The following MARCHF7 variants were observed in gnomAD, a reference collection of about 807,000 sequenced individuals.
MARCHF7 encodes the protein E3 ubiquitin-protein ligase MARCHF7.
Under a neutral mutation model 76.5 loss-of-function variants are expected in MARCHF7, and 20 were observed. That is an observed-to-expected ratio of 0.26 (90% CI 0.18 to 0.38). MARCHF7 has a LOEUF of 0.38. Among genes scored for constraint, MARCHF7 ranks in the 10% least tolerant of loss-of-function variants. The pLI is 1.00. For missense variants in MARCHF7, 797 were observed against 812.9 expected (o/e 0.98, Z 0.24); for synonymous variants, 295 against 293.0 (o/e 1.01, Z -0.07).
intron 9 of MARCHF7, among the ~76,000 whole-genome samples, chr2:159,760,790 T>C (rs1186476638): frequency 6.6e-6 from 1 of 152,074 alleles, no homozygotes; most frequent in East Asian, 1.9e-4. Flanking sequence ...CAGGAATGTT[T>C]TTATTTTCTA....
intron 8 of MARCHF7, among the ~76,000 whole-genome samples, chr2:159,753,641 G>A (rs770792178): frequency 6.6e-6 from 1 of 152,118 alleles, no homozygotes; most frequent in Non-Finnish European, 1.5e-5. Flanking sequence ...AAATATGATG[G>A]GAAGCTGCTA....
Position 159,748,860 on chromosome 2 carries a change from G to T in MARCHF7, c.1570G>T (p.Ala524Ser). Reference protein sequence around the residue: ...ADGKSDKTKSAPSRDPERLQK... With the variant: ...ADGKSDKTKSSPSRDPERLQK... ...TGGTAAAAGTGATAAAACTAAAAGT[G>T]CGCCTTCAAGAGATCCAGAAAGATT... is the stretch of plus-strand genomic sequence containing the variant. Residue 524 changes from alanine (A) to serine (S), a missense_variant, in exon 7 of 12, where the codon GCG becomes TCG. By Grantham distance (99) the Ala-to-Ser change is moderately conservative. Transcript: ENST00000409175. 1 of 1,612,696 alleles carries T rather than the reference G, an allele frequency of 6.2e-7. No homozygotes were observed. Among genetic ancestry groups the T allele is most frequent in the Non-Finnish European group, 8.5e-7 (1 of 1,179,512 alleles).
chr2:159,764,314 TTTTG>T (rs1707503422), intron 10 of MARCHF7, among the ~76,000 whole-genome samples: 1 of 151,846 alleles, frequency 6.6e-6, no homozygotes, highest in Non-Finnish European at 1.5e-5. Context: ...GTTTTTTGTT[TTTTG>T]TTTTTTTTCC....
chr2:159,747,980 A>C lies in MARCHF7; in HGVS notation c.690A>C (p.Glu230Asp). 6.2e-7 allele frequency: 1 copy of C among 1,614,152 alleles called. No homozygotes were observed. The highest frequency in any genetic ancestry group is 1.1e-5 in the South Asian group (1 of 91,082). The change falls in exon 7 of 12, where the codon GAA (glutamate) becomes GAC (aspartate). Residue 230 changes from glutamate (E) to aspartate (D), a missense_variant. Coordinates refer to ENST00000409175, the MANE Select transcript of MARCHF7 (RefSeq NM_001282805.2). ...NSLRSNFSSR[E>D]SESSRSNTQP... ...TAAGATCAAATTTTTCTTCAAGAGA[A>C]TCAGAATCTTCCCGAAGCAATACGC...
At chr2:159,729,715 C>G (rs1230406049) in intron 4 of MARCHF7, among the ~76,000 whole-genome samples, 1 of 151,316 alleles carries the variant, frequency 6.6e-6, no homozygotes, top group East Asian at 1.9e-4. Flanking sequence ...AAACCTTGTA[C>G]GTAAAAACAT....
chr2:159,737,275 C>T (rs1703571722), intron 4 of MARCHF7, among the ~76,000 whole-genome samples: 1 of 152,194 alleles, frequency 6.6e-6, no homozygotes, highest in Non-Finnish European at 1.5e-5. Flanking sequence ...ATATATCTTA[C>T]TGGATACTGA....
Position 159,767,648 on chromosome 2 carries a change from C to A in MARCHF7, c.*306C>A. 5.1e-6 allele frequency: 1 copy of A among 197,856 alleles called. No homozygotes were observed. Among genetic ancestry groups the A allele is most frequent in the Non-Finnish European group, 1.0e-5 (1 of 98,348 alleles). 12.3% of individuals were successfully genotyped at this position (197,856 alleles called of 1,614,324 possible). ...AAATATCTAAGCAATGCCTATCAAC[C>A]CTTTTTTGTGTTATGATTACTGTAG... On this transcript the variant is annotated 3_prime_UTR_variant, in exon 12 of 12. Coordinates refer to ENST00000409175, the MANE Select transcript of MARCHF7 (RefSeq NM_001282805.2).
intron 7 of MARCHF7, among the ~76,000 whole-genome samples, chr2:159,749,801 T>C (rs550581653): frequency 8.5e-5 from 13 of 152,150 alleles, no homozygotes; most frequent in East Asian, 1.9e-4. Flanking sequence ...GGAATACATA[T>C]ACATGCAAAG....
rs1014024334 is a variant in MARCHF7 at position 159,745,928 on chromosome 2, A to G, written c.505A>G (p.Thr169Ala). The G allele has an allele frequency of 2.5e-6, 4 of 1,608,856 alleles. No individual in the cohort carries two copies. The highest frequency in any genetic ancestry group is 2.7e-5 in the African/African-American group (2 of 74,676). Residue 169 changes from threonine to alanine, a missense_variant, in exon 6 of 12, where the codon ACT becomes GCT. Around this residue, in one of 3 missense-constraint regions of MARCHF7, gnomAD observed 643 missense variants for 631.5 expected, o/e 1.02. Coordinates refer to ENST00000409175, the MANE Select transcript of MARCHF7 (RefSeq NM_001282805.2). ...TAGTCACCGAAGTGGTGATTTCACAACTTCATCATGTATGTATAAATTACA... is the reference window on the plus strand; with the variant it reads ...TAGTCACCGAAGTGGTGATTTCACAGCTTCATCATGTATGTATAAATTACA... ...DYSHRSGDFT[T>A]SSYVQDRVPS... is the part of the protein sequence containing the mutation.
intron 3 of MARCHF7, among the ~76,000 whole-genome samples, chr2:159,727,065 T>A (rs1407957703): frequency 6.6e-6 from 1 of 152,222 alleles, no homozygotes; most frequent in Non-Finnish European, 1.5e-5. Context: ...GACGCATTTC[T>A]TAGAATATAT....
intron 2 of MARCHF7, among the ~76,000 whole-genome samples, chr2:159,715,382 TGTGA>T (rs560680775): frequency 2.0e-3 from 304 of 152,138 alleles, no homozygotes; most frequent in African/African-American, 7.0e-3. Flanking sequence ...ATTTTGTGTG[TGTGA>T]GTGTGTGACA....
rs893299068 is a variant in MARCHF7, at chr2:159,747,874, A to C, written c.584A>C (p.Gln195Pro). The C allele has an allele frequency of 6.2e-7, 1 of 1,614,040 alleles. No individual in the cohort carries two copies. Among genetic ancestry groups the C allele is most frequent in the Non-Finnish European group, 8.5e-7 (1 of 1,179,940 alleles). Reference protein sequence around the residue: ...RPKENSMSTLQLNTSSTNHQL... With the variant: ...RPKENSMSTLPLNTSSTNHQL... ...AAAGAAAACTCAATGAGCACTTTAC[A>C]GTTGAATACATCATCCACAAACCAC... Residue 195 changes from glutamine (Q) to proline (P), a missense_variant, in exon 7 of 12, where the codon CAG becomes CCG. Transcript: ENST00000409175.
chr2:159,759,636 T>G (rs1400393591), intron 9 of MARCHF7, among the ~76,000 whole-genome samples: 1 of 152,160 alleles, frequency 6.6e-6, no homozygotes, highest in Non-Finnish European at 1.5e-5. Flanking sequence ...GCTCAATAAT[T>G]TCCTCCTTTT....
intron 3 of MARCHF7, among the ~76,000 whole-genome samples, chr2:159,725,031 C>T (rs879778192): frequency 2.0e-5 from 3 of 152,142 alleles, no homozygotes; most frequent in Non-Finnish European, 4.4e-5. Flanking sequence ...TTTATGGCTG[C>T]ATAGTATTCC....
intron 3 of MARCHF7, among the ~76,000 whole-genome samples, chr2:159,720,845 A>G (rs928400974): frequency 3.9e-5 from 6 of 152,118 alleles, no homozygotes; most frequent in Non-Finnish European, 7.4e-5. Flanking sequence ...GTTTACTTCT[A>G]TTAATAGCTT....
intron 10 of MARCHF7, among the ~76,000 whole-genome samples, chr2:159,764,212 TTGTGTGTGTGTGTGTGTGTGTGTG>T (rs377705664): frequency 7.2e-5 from 10 of 138,566 alleles, no homozygotes; most frequent in Admixed American, 2.1e-4. Flanking sequence ...CTTGGGAGTT[TTGTGTGTGTGTGTGTGTGTGTGTG>T]TGTGTGTGTG....
chr2:159,745,522 G>T (rs1287783306), intron 5 of MARCHF7, among the ~76,000 whole-genome samples: 1 of 152,158 alleles, frequency 6.6e-6, no homozygotes, highest in Non-Finnish European at 1.5e-5. Context: ...GGGCATGGTG[G>T]CACGCGCCTT....
chr2:159,764,470 C>T (rs2125745833), intron 10 of MARCHF7, among the ~76,000 whole-genome samples, 156 bp from the exon 11 acceptor site: 1 of 151,988 alleles, frequency 6.6e-6, no homozygotes, highest in East Asian at 1.9e-4. Context: ...TGCCATTAAG[C>T]TTGTGATTTT....
chr2:159,743,857 A>G lies in MARCHF7; in HGVS notation c.346+604A>G, dbSNP rs1372086823. On this transcript the variant is annotated intron_variant, in intron 5 of 11. Transcript: ENST00000409175. ...CAGGAGTTTGAGGTTATGGTGAGCTATGATCATGCCAATGCACTGTAGCCT... is the reference window on the plus strand; with the variant it reads ...CAGGAGTTTGAGGTTATGGTGAGCTGTGATCATGCCAATGCACTGTAGCCT... 3.3e-5 allele frequency among the ~76,000 whole-genome samples: 5 copies of G among 151,826 alleles called. No homozygotes were observed. The South Asian group carries it at 8.3e-4, about 25-fold the overall frequency.
Sources: gnomAD v4.1 joint callset for allele counts (sites outside exome capture counted in the v4.1 genomes callset) on GRCh38, gnomAD v4.1.1 for gene constraint, gnomAD v4.1.1 regional missense constraint, MANE v1.5 for transcripts, NCBI Gene and HGNC (gene_info 2026-07-23, HGNC 2026-07-21) for gene names.